The following CA3 variants were observed in gnomAD, a reference collection of about 807,000 sequenced individuals.
CA3 encodes the protein carbonic anhydrase 3.
In CA3, 30 loss-of-function variants were observed where a neutral mutation model predicts 35.7. That is an observed-to-expected ratio of 0.84 (90% CI 0.63 to 1.14). The LOEUF (loss-of-function observed/expected upper bound fraction) is 1.14. CA3 is among the 50% of genes most tolerant of loss of function. The probability of loss-of-function intolerance (pLI) is 0.00; values close to 1 mark genes in which losing one functional copy is unlikely to be tolerated. For synonymous variants in CA3, 131 were observed against 130.8 expected, an observed-to-expected ratio of 1.00 and a Z score of -0.01; for missense variants, 295 against 328.5, an observed-to-expected ratio of 0.90 and a Z score of 0.79.
rs1811219125 is a variant in CA3, at chr8:85,442,315, A to G, written c.351+124A>G. 4.3e-6 allele frequency: 3 copies of G among 693,860 alleles called. No homozygotes were observed. In the South Asian group the frequency reaches 4.8e-5, roughly 11 times the overall value. 43.0% of individuals were successfully genotyped at this position (693,860 alleles called of 1,614,324 possible). A position where few individuals can be genotyped will look rare whatever the true frequency, so the allele number is the denominator to read the frequency against. On this transcript the variant is annotated intron_variant, in intron 3 of 6. Coordinates refer to ENST00000285381, the MANE Select transcript of CA3 (RefSeq NM_005181.4). Reference sequence around the variant, plus strand: ...GTTTCAAGTCTATAGTTATGAAAAGAGCTGTACTAGTTTTAGCTGAACTGA... The same window carrying G: ...GTTTCAAGTCTATAGTTATGAAAAGGGCTGTACTAGTTTTAGCTGAACTGA...
intron 3 of CA3, among the ~76,000 whole-genome samples, chr8:85,442,949 G>T (rs1811227921): frequency 6.6e-6 from 1 of 152,192 alleles, no homozygotes; most frequent in African/African-American, 2.4e-5. Context: ...ACCTGATACA[G>T]ACTGGCTTCA....
At position 85,442,147 on chromosome 8, in the gene CA3, C is replaced by A; in HGVS notation, c.307C>A (p.His103Asn). 6.2e-7 allele frequency: 1 copy of A among 1,611,022 alleles called. No homozygotes were observed. The highest frequency in any genetic ancestry group is 8.5e-7 in the Non-Finnish European group (1 of 1,177,160). Residue 103 changes from histidine to asparagine, a missense_variant, in exon 3 of 7, where the codon CAT (histidine) becomes AAT (asparagine). Coordinates refer to ENST00000285381, the MANE Select transcript of CA3 (RefSeq NM_005181.4). ...TCTTCACTGGGGCTCTTCGGATGATCATGGCTCTGAGCACACCGTGGATGG... is the reference window on the plus strand; with the variant it reads ...TCTTCACTGGGGCTCTTCGGATGATAATGGCTCTGAGCACACCGTGGATGG... The part of the protein sequence containing the change: ...FHLHWGSSDD[H>N]GSEHTVDGVK...
In CA3 at chr8:85,444,052, A is replaced by G. The variant is rs760307807; in HGVS notation, c.370A>G (p.Asn124Asp). ...GTTTCAGCTTCATTTGGTTCACTGGAACCCGAAGTATAACACTTTTAAAGA... is the reference window on the plus strand; with the variant it reads ...GTTTCAGCTTCATTTGGTTCACTGGGACCCGAAGTATAACACTTTTAAAGA... ...YAAELHLVHWNPKYNTFKEAL... is the reference protein window; with the variant it reads ...YAAELHLVHWDPKYNTFKEAL... The change falls in exon 4 of 7, where the codon AAC becomes GAC. Residue 124 changes from asparagine (N) to aspartate (D), a missense_variant. Asn to Asp is a conservative substitution (Grantham distance 23, BLOSUM62 1). Transcript: ENST00000285381. 1 of 1,612,998 alleles carries G rather than the reference A, an allele frequency of 6.2e-7. No homozygotes were observed. The highest frequency in any genetic ancestry group is 8.5e-7 in the Non-Finnish European group (1 of 1,178,950).
Position 85,448,220 on chromosome 8 carries a change from T to G in CA3, c.*67T>G. On this transcript the variant is annotated 3_prime_UTR_variant, in exon 7 of 7. Transcript: ENST00000285381. The stretch of plus-strand genomic sequence containing the variant: ...TTGGAGAGCTTGGTTCCTTGCCTCC[T>G]TCTGGTGCTCCTTACTCCAAGTCTA... 6.9e-7 allele frequency: 1 copy of G among 1,452,012 alleles called. No homozygotes were observed. Among genetic ancestry groups the G allele is most frequent in the Non-Finnish European group, 9.2e-7 (1 of 1,090,866 alleles). The allele number at this position is 1,452,012 out of a possible 1,614,324, so 89.9% of individuals were successfully genotyped here.
At position 85,442,172 on chromosome 8, in the gene CA3, G is replaced by A. The variant is rs747198828; in HGVS notation, c.332G>A (p.Gly111Glu). 1 of 1,592,286 alleles carries A rather than the reference G, an allele frequency of 6.3e-7. No individual in the cohort carries two copies. The highest frequency in any genetic ancestry group is 8.6e-7 in the Non-Finnish European group (1 of 1,160,036). The part of the protein sequence containing the change: ...DDHGSEHTVD[G>E]VKYAAELHLV... ...CATGGCTCTGAGCACACCGTGGATG[G>A]AGTCAAGTATGCAGCGGAGGTAAGA... The change falls in exon 3 of 7, where the codon GGA (glycine) becomes GAA (glutamate). Residue 111 changes from glycine to glutamate, a missense_variant. Physicochemically the swap from Gly to Glu is moderately conservative, Grantham distance 98. Coordinates refer to ENST00000285381, the MANE Select transcript of CA3 (RefSeq NM_005181.4).
At chr8:85,440,386 G>C (rs1179312444) in intron 2 of CA3, among the ~76,000 whole-genome samples, 1 of 152,194 alleles carries the variant, frequency 6.6e-6, no homozygotes, top group Non-Finnish European at 1.5e-5. Flanking sequence ...CTAGGGGAGA[G>C]AACAGGGCCA....
chr8:85,444,193 T>G (rs1811246832), intron 4 of CA3, 67 bp downstream of exon 4: 3 of 971,842 alleles, frequency 3.1e-6, no homozygotes, highest in South Asian at 2.8e-5. Context: ...TAGCATAGTT[T>G]GAGTTTCATT....
chr8:85,442,001 A>T, intron 2 of CA3, 72 bp from the exon 3 acceptor site: 1 of 843,544 alleles, frequency 1.2e-6, no homozygotes, highest in East Asian at 2.4e-5. Flanking sequence ...TGGCTCTAAG[A>T]GCACTTGGTT....
intron 3 of CA3, chr8:85,442,451 A>C (rs1811221113): frequency 2.9e-6 from 1 of 348,860 alleles, no homozygotes. Context: ...AGTGGCTCAC[A>C]CCTGTAATCT....
chr8:85,441,991 TGGCTCTAA>T, intron 2 of CA3, 74 bp from the exon 3 acceptor site: 1 of 806,016 alleles, frequency 1.2e-6, no homozygotes, highest in Non-Finnish European at 2.2e-6. Context: ...CATTAAGCCT[TGGCTCTAA>T]GAGCACTTGG....
chr8:85,444,064 A>G lies in CA3; in HGVS notation c.382A>G (p.Asn128Asp). The change falls in exon 4 of 7, where the codon AAC (asparagine) becomes GAC (aspartate). Residue 128 changes from asparagine to aspartate, a missense_variant. Asn to Asp is a conservative substitution (Grantham distance 23, BLOSUM62 1). Transcript: ENST00000285381. Reference sequence around the variant, plus strand: ...TTTGGTTCACTGGAACCCGAAGTATAACACTTTTAAAGAAGCCCTGAAGCA... The same window carrying G: ...TTTGGTTCACTGGAACCCGAAGTATGACACTTTTAAAGAAGCCCTGAAGCA... The part of the protein sequence containing the change: ...LHLVHWNPKY[N>D]TFKEALKQRD... The G allele has an allele frequency of 6.2e-7, 1 of 1,613,700 alleles. No individual in the cohort carries two copies. The highest frequency in any genetic ancestry group is 2.2e-5 in the East Asian group (1 of 44,874).
chr8:85,446,337 T>C, intron 6 of CA3, 40 bp downstream of exon 6: 1 of 1,591,640 alleles, frequency 6.3e-7, no homozygotes, highest in South Asian at 1.1e-5. Context: ...TGTTGCTGTC[T>C]GCCTATGTAA....
chr8:85,442,984 C>T (rs1811228448), intron 3 of CA3, among the ~76,000 whole-genome samples: 2 of 152,134 alleles, frequency 1.3e-5, no homozygotes, highest in East Asian at 1.9e-4. Flanking sequence ...ATCCAGTGCC[C>T]TATACTGCCT....
chr8:85,439,209 T>C (rs1185273631), intron 1 of CA3, among the ~76,000 whole-genome samples: 1 of 152,186 alleles, frequency 6.6e-6, no homozygotes, highest in South Asian at 2.1e-4. Context: ...TAAGATCCCA[T>C]TGCCTCTGAG....
intron 3 of CA3, 80 bp from the exon 4 acceptor site, chr8:85,443,954 A>T (rs1811241691): frequency 8.1e-6 from 8 of 991,596 alleles, no homozygotes; most frequent in Non-Finnish European, 1.3e-5. Flanking sequence ...CTGTACAATG[A>T]TTGGGTTTAT....
At position 85,448,139 on chromosome 8, in the gene CA3, G is replaced by T. The variant is rs533930113; in HGVS notation, c.769G>T (p.Ala257Ser). 1.2e-6 allele frequency: 2 copies of T among 1,612,482 alleles called. No individual in the cohort carries two copies. Among genetic ancestry groups the T allele is most frequent in the East Asian group, 4.5e-5 (2 of 44,844 alleles). ...GCCTATCAATAACAGGGTGGTGAGA[G>T]CTTCCTTCAAATGAGGCTGCTGGAT... ...PQPINNRVVR[A>S]SFK Residue 257 changes from alanine to serine, a missense_variant, in exon 7 of 7, where the codon GCT becomes TCT. By Grantham distance (99) the Ala-to-Ser change is moderately conservative. Transcript: ENST00000285381.
intron 3 of CA3, 72 bp from the exon 4 acceptor site, chr8:85,443,962 T>C: frequency 2.8e-6 from 3 of 1,053,308 alleles, no homozygotes; most frequent in South Asian, 1.3e-5. Context: ...TGATTGGGTT[T>C]ATTGTGGATA....
chr8:85,445,533 C>T (rs10107778), intron 5 of CA3, among the ~76,000 whole-genome samples: 61,900 of 141,262 alleles, frequency 0.44, 20,195 homozygotes, highest in Middle Eastern at 0.57. Flanking sequence ...CACACACACA[C>T]ACACACACAC....
chr8:85,446,407 A>G, intron 6 of CA3, 110 bp downstream of exon 6: 2 of 1,220,856 alleles, frequency 1.6e-6, no homozygotes, highest in South Asian at 3.3e-5. Flanking sequence ...GAACAGCTCT[A>G]TGGCCAGTAA....
Sources: gnomAD v4.1 joint callset for allele counts (sites outside exome capture counted in the v4.1 genomes callset) on GRCh38, gnomAD v4.1.1 for gene constraint, MANE v1.5 for transcripts, NCBI Gene and HGNC (gene_info 2026-07-23, HGNC 2026-07-21) for gene names.